Variants in TEX9 observed in about 807,000 individuals in gnomAD.
TEX9 encodes the protein testis-expressed protein 9.
TEX9 carries 74 observed loss-of-function variants against 59.6 expected under a neutral mutation model. The ratio of observed to expected loss-of-function variants is 1.24; its 90% CI spans 1.03 to 1.51. The LOEUF (loss-of-function observed/expected upper bound fraction) is 1.51. TEX9 is among the 40% of genes most tolerant of loss of function. TEX9 has a pLI of 0.00. For missense variants in TEX9, 522 were observed against 447.8 expected (o/e 1.17, Z -1.49); for synonymous variants, 186 against 152.2 (o/e 1.22, Z -1.64).
intron 9 of TEX9, among the ~76,000 whole-genome samples, chr15:56,402,064 T>G (rs564367989): frequency 6.6e-6 from 1 of 151,982 alleles, no homozygotes; most frequent in South Asian, 2.1e-4. Context: ...ACATCACAAT[T>G]AAAAGAACTA....
At chr15:56,455,839 C>G in the TEX9 span, among the ~76,000 whole-genome samples, 2 of 152,152 alleles carry the variant, frequency 1.3e-5, no homozygotes, top group Non-Finnish European at 2.9e-5. Flanking sequence ...TAAGAAACAA[C>G]TGAAGGAACA....
At chr15:56,442,030 TAATAA>T (rs1317562838) in intron 12 of TEX9, among the ~76,000 whole-genome samples, 102 of 151,246 alleles carry the variant, frequency 6.7e-4, no homozygotes, top group African/African-American at 1.8e-3. Context: ...CAAAAAATAA[TAATAA>T]AATAAAATAA....
At chr15:56,296,590 C>T (rs1163277573) in intron 1 of TEX9, among the ~76,000 whole-genome samples, 2 of 152,150 alleles carry the variant, frequency 1.3e-5, no homozygotes, top group African/African-American at 4.8e-5. Flanking sequence ...TAATTGCTAG[C>T]CAAAGGTTTC....
rs575673674 is a variant in TEX9, at chr15:56,358,342, T to C, written c.-106-15099T>C. ...AAGTTCAGTAATGCATAGATAAGTTTTTTTTTTTTTTCCAGAATCTGGTCG... is the reference window on the plus strand; with the variant it reads ...AAGTTCAGTAATGCATAGATAAGTTCTTTTTTTTTTTCCAGAATCTGGTCG... On this transcript the variant is annotated intron_variant, in intron 1 of 5. Coordinates refer to the TEX9 transcript ENST00000560827. Among the ~76,000 whole-genome samples the C allele has an allele frequency of 6.0e-4, 91 of 151,948 alleles. 2 individuals are homozygous for C. The highest frequency in any genetic ancestry group is 3.4e-3 in the Middle Eastern group (1 of 294).
chr15:56,394,002 T>A (rs771218765), intron 7 of TEX9, 163 bp from the exon 8 acceptor site: 1 of 502,576 alleles, frequency 2.0e-6, no homozygotes, highest in Non-Finnish European at 3.5e-6. Context: ...TCATTGACCT[T>A]TTCATTAGGA....
the TEX9 span, among the ~76,000 whole-genome samples, chr15:56,456,832 T>A: frequency 6.6e-6 from 1 of 152,154 alleles, no homozygotes; most frequent in Non-Finnish European, 1.5e-5. Flanking sequence ...TTTTCCCTTA[T>A]TCTTTTTCTG....
chr15:56,353,269 A>G (rs1198048437), intron 1 of TEX9, among the ~76,000 whole-genome samples: 1 of 152,266 alleles, frequency 6.6e-6, no homozygotes, highest in Non-Finnish European at 1.5e-5. Flanking sequence ...CAAGACAGCC[A>G]TGACTAATCT....
intron 10 of TEX9, among the ~76,000 whole-genome samples, chr15:56,423,478 G>A (rs1398901618): frequency 6.6e-6 from 1 of 152,112 alleles, no homozygotes; most frequent in Non-Finnish European, 1.5e-5. Flanking sequence ...TGTTCCATGT[G>A]CACTTGAGAA....
chr15:56,304,835 G>T (rs2682009), intron 1 of TEX9, among the ~76,000 whole-genome samples: 57,545 of 151,826 alleles, frequency 0.38, 11,394 homozygotes, highest in Non-Finnish European at 0.44. Flanking sequence ...CCATCCTCCC[G>T]CCTCAGCCTC....
At chr15:56,337,164 C>G (rs2046273065) in intron 1 of TEX9, among the ~76,000 whole-genome samples, 1 of 152,158 alleles carries the variant, frequency 6.6e-6, no homozygotes, top group Non-Finnish European at 1.5e-5. Flanking sequence ...TGACATTACA[C>G]TTCATCCTGA....
intron 1 of TEX9, among the ~76,000 whole-genome samples, chr15:56,294,303 G>A (rs1226243045): frequency 6.6e-6 from 1 of 152,184 alleles, no homozygotes; most frequent in African/African-American, 2.4e-5. Flanking sequence ...CCTGCTTCTT[G>A]TCTTTTCCTT....
intron 10 of TEX9, among the ~76,000 whole-genome samples, chr15:56,418,867 C>T (rs538580180): frequency 6.6e-6 from 1 of 151,970 alleles, no homozygotes; most frequent in South Asian, 2.1e-4. Flanking sequence ...TTTTTAAAAA[C>T]ATCCAATGAG....
intron 9 of TEX9, chr15:56,410,107 A>C (rs1223441745): frequency 2.0e-5 from 3 of 152,240 alleles, no homozygotes; most frequent in African/African-American, 7.2e-5. Flanking sequence ...GAAACCTATT[A>C]GGTATAGATA....
intron 2 of TEX9, among the ~76,000 whole-genome samples, chr15:56,368,357 A>G (rs888810644): frequency 7.9e-5 from 12 of 152,148 alleles, no homozygotes; most frequent in Non-Finnish European, 2.9e-5. Context: ...GCATCTATGA[A>G]CAAAAGTGAA....
chr15:56,434,216 T>C, intron 12 of TEX9: 2 of 1,614,006 alleles, frequency 1.2e-6, no homozygotes, highest in Non-Finnish European at 1.7e-6. Flanking sequence ...GCTTCATTCT[T>C]TGTTTCTGAG....
intron 1 of TEX9, among the ~76,000 whole-genome samples, chr15:56,313,978 G>C (rs1302345406): frequency 7.9e-6 from 1 of 125,848 alleles, no homozygotes; most frequent in African/African-American, 2.8e-5. Context: ...TTGTATTTCT[G>C]TGGGATCGGT....
intron 1 of TEX9, among the ~76,000 whole-genome samples, chr15:56,335,095 G>T (rs776508560): frequency 3.3e-5 from 5 of 152,056 alleles, no homozygotes; most frequent in African/African-American, 9.7e-5. Context: ...CAGTTTGGAG[G>T]TTCCTCAAAA....
chr15:56,351,201 A>T (rs2141875974), intron 1 of TEX9, among the ~76,000 whole-genome samples: 1 of 152,294 alleles, frequency 6.6e-6, no homozygotes, highest in East Asian at 1.9e-4. Flanking sequence ...ATACACAAGA[A>T]ATGTGTAGAT....
At chr15:56,356,230 G>A (rs1350216875) in intron 1 of TEX9, among the ~76,000 whole-genome samples, 3 of 152,138 alleles carry the variant, frequency 2.0e-5, no homozygotes, top group Admixed American at 6.5e-5. Context: ...GAAGGCATTT[G>A]ATTTTTTAAT....
Sources: gnomAD v4.1 joint callset for allele counts (sites outside exome capture counted in the v4.1 genomes callset) on GRCh38, gnomAD v4.1.1 for gene constraint, MANE v1.5 for transcripts, NCBI Gene and HGNC (gene_info 2026-07-23, HGNC 2026-07-21) for gene names.